The following NOTCH2NLC variants were observed in gnomAD, a reference collection of about 807,000 sequenced individuals.
NOTCH2NLC encodes notch 2 N-terminal like C.
A neutral mutation model predicts 17.7 loss-of-function variants in NOTCH2NLC; 4 were observed. The ratio of observed to expected loss-of-function variants is 0.23; its 90% CI spans 0.11 to 0.52. The LOEUF is 0.52. NOTCH2NLC is among the 20% of genes least tolerant of loss of function. NOTCH2NLC has a pLI of 0.96. For missense variants in NOTCH2NLC, 57 were observed against 207.2 expected (o/e 0.28, Z 4.45); for synonymous variants, 18 against 86.0 (o/e 0.21, Z 4.38).
chr1:149,426,580 T>C, intron 1 of NOTCH2NLC, among the ~76,000 whole-genome samples: 1 of 48,630 alleles, frequency 2.1e-5, no homozygotes, highest in East Asian at 5.4e-4. Context: ...TTTTGCCTTT[T>C]TTTTTTTTTT....
chr1:149,418,918 C>T (rs1425861243), intron 1 of NOTCH2NLC, among the ~76,000 whole-genome samples: 2 of 150,982 alleles, frequency 1.3e-5, no homozygotes, highest in Non-Finnish European at 3.0e-5. Flanking sequence ...TCTGCTCATT[C>T]GCTCGCTCGC....
chr1:149,391,004 T>C lies in NOTCH2NLC; in HGVS notation c.135+82T>C, dbSNP rs1403308136. ...ACCCTTCTCCCCCTCGGTCCTTCTCTGTGTGGGAAGGCCAGGCTCGGCCGC... is the reference window on the plus strand; with the variant it reads ...ACCCTTCTCCCCCTCGGTCCTTCTCCGTGTGGGAAGGCCAGGCTCGGCCGC... On this transcript the variant is annotated intron_variant, in intron 1 of 4. Transcript: ENST00000650865. 2.7e-6 allele frequency: 3 copies of C among 1,098,940 alleles called. No individual in the cohort carries two copies. The East Asian group carries it at 1.4e-4, about 50-fold the overall frequency. 68.1% of individuals were successfully genotyped at this position (1,098,940 alleles called of 1,614,324 possible). A position where few individuals can be genotyped will look rare whatever the true frequency, so the allele number is the denominator to read the frequency against.
chr1:149,417,802 C>CTCAGATAGTACTCCA (rs1553704469), intron 1 of NOTCH2NLC, among the ~76,000 whole-genome samples: 1 of 147,048 alleles, frequency 6.8e-6, no homozygotes, highest in South Asian at 2.2e-4. Context: ...GATGTTAATC[C>CTCAGATAGTACTCCA]TAAATATATT....
At chr1:149,431,154 G>T in intron 2 of NOTCH2NLC, 139 bp downstream of exon 2, 1 of 117,382 alleles carries the variant, frequency 8.5e-6, no homozygotes, top group Admixed American at 1.9e-4. Flanking sequence ...TTGGGGGTGA[G>T]GATGGAAGGA....
At chr1:149,449,124 G>T in intron 2 of NOTCH2NLC, among the ~76,000 whole-genome samples, 1 of 150,374 alleles carries the variant, frequency 6.7e-6, no homozygotes, top group East Asian at 2.0e-4. Flanking sequence ...CTGGTGATCT[G>T]CCTGCCTCGG....
intron 2 of NOTCH2NLC, among the ~76,000 whole-genome samples, chr1:149,436,760 G>A (rs1361143961): frequency 6.0e-5 from 9 of 148,982 alleles, no homozygotes; most frequent in Non-Finnish European, 9.0e-5. Context: ...CTTCAAGTAC[G>A]GTGCCTATTT....
At chr1:149,416,811 C>A (rs2084337974) in intron 1 of NOTCH2NLC, among the ~76,000 whole-genome samples, 1 of 141,442 alleles carries the variant, frequency 7.1e-6, no homozygotes, top group African/African-American at 2.6e-5. Context: ...AAGTGGGGTT[C>A]TTTTGTTGTG....
At position 149,466,246 on chromosome 1, in the gene NOTCH2NLC, ATGTGTGTGTGTG is replaced by A. The variant is rs1170833011; in HGVS notation, c.*2112_*2123del. ...CAAATAGTACTTGTTACATATCAAT[ATGTGTGTGTGTG>A]TGTGTGTGTGTGTGTGTGGTATATA... On this transcript the variant is annotated 3_prime_UTR_variant, in exon 5 of 5. Transcript: ENST00000650865. 1 of 133,122 alleles carries A rather than the reference ATGTGTGTGTGTG, an allele frequency of 7.5e-6. No individual in the cohort carries two copies. Among genetic ancestry groups the A allele is most frequent in the Non-Finnish European group, 1.7e-5 (1 of 60,324 alleles). 8.2% of individuals were successfully genotyped at this position (133,122 alleles called of 1,614,324 possible). A position where few individuals can be genotyped will look rare whatever the true frequency, so the allele number is the denominator to read the frequency against.
At chr1:149,458,366 GT>G (rs1269198377) in intron 3 of NOTCH2NLC, among the ~76,000 whole-genome samples, 4 of 98,786 alleles carry the variant, frequency 4.0e-5, no homozygotes, top group African/African-American at 3.6e-5. Context: ...AGCAGGTTGT[GT>G]TTTTTTTTTT....
At chr1:149,428,927 C>T (rs2084427813) in intron 1 of NOTCH2NLC, among the ~76,000 whole-genome samples, 3 of 147,422 alleles carry the variant, frequency 2.0e-5, no homozygotes, top group Admixed American at 6.8e-5. Context: ...GAAAAAACCC[C>T]GGAAGTTCTC....
In NOTCH2NLC at chr1:149,440,072, A is replaced by C. The variant is rs1394939087; in HGVS notation, c.209+9057A>C. Among the ~76,000 whole-genome samples, 264 of 149,810 alleles carry C rather than the reference A, an allele frequency of 1.8e-3. 7 individuals carry two copies. In the Middle Eastern group the frequency reaches 0.021, roughly 12 times the overall value. On this transcript the variant is annotated intron_variant, in intron 2 of 4. Transcript: ENST00000650865. ...TGCCTTCACGTAAATATGAGGAGAA[A>C]GGTAGGTGTTAATAAGAAAATAATC...
intron 1 of NOTCH2NLC, among the ~76,000 whole-genome samples, chr1:149,414,703 A>G (rs1238056739): frequency 1.3e-5 from 2 of 150,962 alleles, no homozygotes; most frequent in East Asian, 4.0e-4. Flanking sequence ...CCAGTGCCCC[A>G]GTGGATGGTC....
intron 1 of NOTCH2NLC, among the ~76,000 whole-genome samples, chr1:149,423,222 G>A (rs1408642343): frequency 4.0e-5 from 6 of 148,682 alleles, no homozygotes; most frequent in South Asian, 4.3e-4. Flanking sequence ...AAACAAAATC[G>A]ATTTATCTCT....
chr1:149,412,798 G>A (rs1230311959), intron 1 of NOTCH2NLC, among the ~76,000 whole-genome samples: 3 of 95,652 alleles, frequency 3.1e-5, no homozygotes, highest in Admixed American at 2.6e-4. Context: ...GGGCAATAGA[G>A]AGAGACTGCA....
intron 1 of NOTCH2NLC, among the ~76,000 whole-genome samples, chr1:149,423,350 G>A (rs1464919893): frequency 3.3e-5 from 5 of 150,642 alleles, no homozygotes; most frequent in East Asian, 2.0e-4. Flanking sequence ...TGAAGCTTCC[G>A]CACTTCTTCT....
Position 149,445,724 on chromosome 1 carries a change from C to T in NOTCH2NLC, c.210-9594C>T, listed in dbSNP as rs1245889449. On this transcript the variant is annotated intron_variant, in intron 2 of 4. Transcript: ENST00000650865. ...CTTTAATGAGGAGCAGCTGCAGTGC[C>T]GACGCAACCCACATGAGACTTTTTT... Among the ~76,000 whole-genome samples the T allele has an allele frequency of 2.8e-4, 42 of 149,528 alleles. No individual in the cohort carries two copies. The East Asian group carries it at 4.4e-3, about 16-fold the overall frequency.
At chr1:149,399,950 T>A (rs1174666606) in intron 1 of NOTCH2NLC, among the ~76,000 whole-genome samples, 3 of 150,010 alleles carry the variant, frequency 2.0e-5, no homozygotes, top group African/African-American at 7.3e-5. Context: ...AAGATTTTTT[T>A]ATTTTTGTAA....
chr1:149,449,012 G>A (rs2084573415), intron 2 of NOTCH2NLC, among the ~76,000 whole-genome samples: 1 of 147,198 alleles, frequency 6.8e-6, no homozygotes, highest in African/African-American at 2.5e-5. Flanking sequence ...CTCCCGAGTA[G>A]CTGGGACTAC....
chr1:149,471,206 A>AG lies in NOTCH2NLC; in HGVS notation c.*7053_*7054insG. Among the ~76,000 whole-genome samples, 2 of 151,426 alleles carry AG rather than the reference A, an allele frequency of 1.3e-5. No individual in the cohort carries two copies. Among genetic ancestry groups the AG allele is most frequent in the Middle Eastern group, 6.9e-3 (2 of 290 alleles). On this transcript the variant is annotated 3_prime_UTR_variant, in exon 5 of 5. Coordinates refer to ENST00000650865, the MANE Select transcript of NOTCH2NLC (RefSeq NM_001364013.2). ...ATTGAACTGTAATAGTTTTAAAAAA[A>AG]TATATCCTAAATACAAGTCTCTTAT... is the stretch of plus-strand genomic sequence containing the variant.
Sources: gnomAD v4.1 joint callset for allele counts (sites outside exome capture counted in the v4.1 genomes callset) on GRCh38, gnomAD v4.1.1 for gene constraint, MANE v1.5 for transcripts, NCBI Gene and HGNC (gene_info 2026-07-23, HGNC 2026-07-21) for gene names.